The following AGBL1 variants were observed in gnomAD, a reference collection of about 807,000 sequenced individuals.
The protein encoded by AGBL1 is cytosolic carboxypeptidase 4.
Under a neutral mutation model 118.9 loss-of-function variants are expected in AGBL1, and 130 were observed. The observed-to-expected ratio is 1.09, with a 90% CI of 0.95 to 1.26. The LOEUF is 1.26. Ranked by LOEUF, AGBL1 falls within the 50% of genes most tolerant of loss-of-function variation. The pLI is 0.00. For synonymous variants in AGBL1, 555 were observed against 478.9 expected (o/e 1.16, Z -2.08); for missense variants, 1,584 against 1,298.1 (o/e 1.22, Z -3.38).
At chr15:86,567,648 A>T (rs987360735) in intron 21 of AGBL1, among the ~76,000 whole-genome samples, 12 of 152,170 alleles carry the variant, frequency 7.9e-5, no homozygotes, top group African/African-American at 2.9e-4. Flanking sequence ...TATAATTTTG[A>T]TCTTTTTTTT....
chr15:86,257,861 T>C, intron 8 of AGBL1, 103 bp from the exon 9 acceptor site: 1 of 1,103,808 alleles, frequency 9.1e-7, no homozygotes, highest in Middle Eastern at 2.7e-4. Flanking sequence ...GGCCCCTTAT[T>C]TGAGAGAGGA....
chr15:86,492,333 C>T (rs557861185), intron 18 of AGBL1, among the ~76,000 whole-genome samples: 1 of 151,986 alleles, frequency 6.6e-6, no homozygotes, highest in African/African-American at 2.4e-5. Flanking sequence ...CAGTATGGCT[C>T]ATAGGAGTAG....
At chr15:86,678,079 T>C (rs896731313) in intron 22 of AGBL1, among the ~76,000 whole-genome samples, 2 of 152,220 alleles carry the variant, frequency 1.3e-5, no homozygotes, top group African/African-American at 2.4e-5. Flanking sequence ...GTGGAATGGC[T>C]AAGTCTAGTA....
At chr15:86,793,481 A>G (rs1215884689) in intron 22 of AGBL1, among the ~76,000 whole-genome samples, 3 of 152,224 alleles carry the variant, frequency 2.0e-5, no homozygotes, top group Non-Finnish European at 4.4e-5. Context: ...GACAAAATGA[A>G]TCATAGACCT....
chr15:86,715,469 C>G (rs912574622), intron 22 of AGBL1, among the ~76,000 whole-genome samples: 7 of 152,142 alleles, frequency 4.6e-5, no homozygotes, highest in Non-Finnish European at 7.3e-5. Flanking sequence ...TAACTCATAA[C>G]TGAACTGATC....
chr15:86,873,883 A>G (rs2079765827), intron 22 of AGBL1, among the ~76,000 whole-genome samples: 1 of 152,208 alleles, frequency 6.6e-6, no homozygotes, highest in South Asian at 2.1e-4. Context: ...GGAACTCAAG[A>G]TACAATAGTC....
downstream of AGBL1, among the ~76,000 whole-genome samples, chr15:86,917,615 G>A (rs924144708): frequency 2.0e-5 from 3 of 152,302 alleles, no homozygotes; most frequent in South Asian, 2.1e-4. The surrounding 1 kb of genome is among the most constrained non-coding windows in gnomAD (Gnocchi z 4.8). Context: ...TTGTCATTGC[G>A]AAGCGTAGAG....
intron 22 of AGBL1, among the ~76,000 whole-genome samples, chr15:86,730,033 A>G (rs1161495098): frequency 6.6e-6 from 1 of 152,164 alleles, no homozygotes; most frequent in Non-Finnish European, 1.5e-5. Flanking sequence ...AATGTTGAAC[A>G]TTTTTTCATG....
At chr15:86,623,477 C>T (rs960722004) in intron 21 of AGBL1, among the ~76,000 whole-genome samples, 2 of 152,224 alleles carry the variant, frequency 1.3e-5, no homozygotes, top group Non-Finnish European at 2.9e-5. Flanking sequence ...GAACTTTTGC[C>T]TCGTTTTCCA....
intron 6 of AGBL1, among the ~76,000 whole-genome samples, chr15:86,247,042 G>A (rs2078731995): frequency 6.6e-6 from 1 of 151,998 alleles, no homozygotes; most frequent in Non-Finnish European, 1.5e-5. Flanking sequence ...CTCTAATTAT[G>A]AATTTCCTAA....
At chr15:86,610,266 G>T (rs1054278183) in intron 21 of AGBL1, among the ~76,000 whole-genome samples, 1 of 149,940 alleles carries the variant, frequency 6.7e-6, no homozygotes, top group Non-Finnish European at 1.5e-5. Context: ...TTGGGTTAAT[G>T]CCAAACCTCC....
downstream of AGBL1, among the ~76,000 whole-genome samples, chr15:86,916,724 T>C (rs192176867): frequency 3.3e-5 from 5 of 152,310 alleles, no homozygotes; most frequent in East Asian, 9.7e-4. Flanking sequence ...ACCTCACTTC[T>C]ATTTCTAATA....
intron 1 of AGBL1, among the ~76,000 whole-genome samples, chr15:86,097,569 C>T (rs947194613): frequency 9.4e-5 from 14 of 148,960 alleles, no homozygotes; most frequent in Non-Finnish European, 2.1e-4. Flanking sequence ...CACGTATGAG[C>T]GAGAACATGC....
rs1004803277 is a variant in AGBL1, at chr15:86,559,121, A to G, written c.2994+4584A>G. Among the ~76,000 whole-genome samples, 11 of 151,956 alleles carry G rather than the reference A, an allele frequency of 7.2e-5. No individual in the cohort carries two copies. The East Asian group carries it at 2.1e-3, about 29-fold the overall frequency. On this transcript the variant is annotated intron_variant, in intron 21 of 22. Transcript: ENST00000614907. ...TGGCCTTCTCTACCTGTGAACCTCT[A>G]TCTCTGTGTCTCCCCTCTTCTTCTT...
At chr15:86,495,446 A>C (rs1003499817) in intron 18 of AGBL1, among the ~76,000 whole-genome samples, 5 of 151,622 alleles carry the variant, frequency 3.3e-5, no homozygotes, top group South Asian at 2.1e-4. Flanking sequence ...AACCTTATAA[A>C]AATTTGATTA....
intron 20 of AGBL1, among the ~76,000 whole-genome samples, chr15:86,548,379 ACTT>A (rs2083615266): frequency 6.6e-6 from 1 of 152,186 alleles, no homozygotes; most frequent in Non-Finnish European, 1.5e-5. Flanking sequence ...TAATGGTACT[ACTT>A]CTAGTTATGT....
intron 24 of AGBL1, among the ~76,000 whole-genome samples, chr15:87,022,055 A>G (rs2081670176): frequency 6.6e-6 from 1 of 152,110 alleles, no homozygotes; most frequent in African/African-American, 2.4e-5. Flanking sequence ...AACAATCACT[A>G]CAGCTATTCT....
At chr15:86,160,765 C>G (rs970762647) in intron 5 of AGBL1, among the ~76,000 whole-genome samples, 1 of 152,144 alleles carries the variant, frequency 6.6e-6, no homozygotes, top group Non-Finnish European at 1.5e-5. Flanking sequence ...TTGCTGGGCT[C>G]ATCCACATAC....
At chr15:86,767,015 T>G (rs192786891) in intron 22 of AGBL1, among the ~76,000 whole-genome samples, 2 of 152,062 alleles carry the variant, frequency 1.3e-5, no homozygotes, top group Admixed American at 1.3e-4. Context: ...AAGTAGGAAA[T>G]TTATGTGTTA....
Sources: allele counts gnomAD v4.1 joint callset (sites outside exome capture counted in the v4.1 genomes callset), GRCh38; gene constraint gnomAD v4.1.1; non-coding constraint Gnocchi (gnomAD v3.1); transcripts MANE v1.5; gene names NCBI Gene and HGNC (gene_info 2026-07-23, HGNC 2026-07-21).